RFX7: variants seen among roughly 807,000 people sequenced by gnomAD.
RFX7 encodes the protein regulatory factor X7, also known as DNA-binding protein RFX7.
Under a neutral mutation model 111.8 loss-of-function variants are expected in RFX7, and 26 were observed. The observed-to-expected ratio is 0.23, with a 90% confidence interval of 0.17 to 0.32. The LOEUF (loss-of-function observed/expected upper bound fraction) is 0.32. Among genes scored for constraint, RFX7 ranks in the 10% least tolerant of loss-of-function variants. The pLI is 1.00. For synonymous variants in RFX7, 624 were observed against 624.4 expected (o/e 1.00, Z 0.01); for missense variants, 1,573 against 1,772.9 (o/e 0.89, Z 2.02).
Position 56,094,927 on chromosome 15 carries a change from A to G in RFX7, c.2801T>C (p.Phe934Ser). ...GCCATTGCTGTGGATTGGATGATAG[A>G]AGTGGGTGCTGGAAGTGTGAGATGA... ...PMSSHTSSTH[F>S]YHPIHSNGTP... is the part of the protein sequence containing the mutation. The change falls in exon 10 of 10, where the codon TTC becomes TCC. Residue 934 changes from phenylalanine (F) to serine (S), a missense_variant. Phe to Ser is a radical substitution (Grantham distance 155). This residue lies in a region of RFX7 where 625 missense variants were observed against 632.2 expected (regional missense o/e 0.99). Transcript: ENST00000559447. 1 of 1,590,528 alleles carries G rather than the reference A, an allele frequency of 6.3e-7. No homozygotes were observed. Among genetic ancestry groups the G allele is most frequent in the South Asian group, 1.2e-5 (1 of 85,714 alleles).
chr15:56,108,411 A>C (rs1321963074), intron 5 of RFX7, among the ~76,000 whole-genome samples: 1 of 152,208 alleles, frequency 6.6e-6, no homozygotes, highest in Admixed American at 6.5e-5. Context: ...TAAATCAATA[A>C]ATGTCATCCA....
intron 5 of RFX7, among the ~76,000 whole-genome samples, chr15:56,142,399 C>A (rs560712829): frequency 6.6e-6 from 1 of 151,898 alleles, no homozygotes; most frequent in East Asian, 1.9e-4. Flanking sequence ...AGTAAAAAAT[C>A]ATGTTTTAGT....
Position 56,243,298 on chromosome 15 carries a change from G to T in RFX7, c.-2-11C>A. On this transcript the variant is annotated splice_polypyrimidine_tract_variant and intron_variant, in intron 1 of 9. Coordinates refer to ENST00000559447, the MANE Select transcript of RFX7 (RefSeq NM_022841.7). ...GTTCCTCTGCCATCGCTGCAGAGGG[G>T]TGGGAGGGAGGGAGGGAAAGATGGG... The T allele has an allele frequency of 8.8e-7, 1 of 1,134,140 alleles. No individual in the cohort carries two copies. Among genetic ancestry groups the T allele is most frequent in the Non-Finnish European group, 1.1e-6 (1 of 880,084 alleles). The allele number at this position is 1,134,140 out of a possible 1,614,324, so 70.3% of individuals were successfully genotyped here.
chr15:56,102,077 A>T, intron 7 of RFX7, 92 bp downstream of exon 7: 2 of 902,460 alleles, frequency 2.2e-6, no homozygotes, highest in Non-Finnish European at 3.4e-6. Flanking sequence ...CACAGTCGCT[A>T]GGCTTAACCA....
At chr15:56,101,599 A>G in intron 7 of RFX7, 33 bp from the exon 8 acceptor site, 2 of 1,541,434 alleles carry the variant, frequency 1.3e-6, no homozygotes, top group South Asian at 1.1e-5. Flanking sequence ...GTTAACTTGT[A>G]AAAGACCAGA....
chr15:56,203,959 G>A (rs1431172529), intron 2 of RFX7, among the ~76,000 whole-genome samples: 3 of 150,676 alleles, frequency 2.0e-5, no homozygotes, highest in Non-Finnish European at 4.4e-5. Flanking sequence ...ATTATTTCTT[G>A]CATTTAATCC....
intron 2 of RFX7, among the ~76,000 whole-genome samples, chr15:56,201,465 A>T (rs529178135): frequency 1.3e-5 from 2 of 152,252 alleles, no homozygotes; most frequent in Non-Finnish European, 2.9e-5. Context: ...CTATCTAAGG[A>T]GATCAAAAAA....
chr15:56,118,908 T>C (rs2042041857), intron 5 of RFX7, among the ~76,000 whole-genome samples: 1 of 151,508 alleles, frequency 6.6e-6, no homozygotes, highest in Admixed American at 6.5e-5. Context: ...TGAGACTATA[T>C]ATTGTTGTTT....
chr15:56,235,378 G>A (rs772592047), intron 2 of RFX7, among the ~76,000 whole-genome samples: 19 of 152,080 alleles, frequency 1.2e-4, no homozygotes, highest in Non-Finnish European at 2.8e-4. Context: ...GTTTCACCAT[G>A]TTAGCCAGGA....
Position 56,159,687 on chromosome 15 carries a change from A to C in RFX7, c.196-15204T>G, listed in dbSNP as rs928914429. The stretch of plus-strand genomic sequence containing the variant: ...CTGTCATAAAGAAATACCTGAAACA[A>C]TATTCTATATTGCAAATACTAATTT... On this transcript the variant is annotated intron_variant, in intron 3 of 9. Coordinates refer to ENST00000559447, the MANE Select transcript of RFX7 (RefSeq NM_022841.7). Among the ~76,000 whole-genome samples the C allele has an allele frequency of 2.6e-5, 4 of 152,154 alleles. No individual in the cohort carries two copies. In the East Asian group the frequency reaches 7.7e-4, roughly 29 times the overall value.
At chr15:56,144,575 G>A (rs1187760215) in intron 3 of RFX7, 92 bp from the exon 4 acceptor site, 10 of 474,712 alleles carry the variant, frequency 2.1e-5, no homozygotes, top group South Asian at 7.6e-5. Context: ...AAACGATAAT[G>A]ACTATTTAAA....
intron 2 of RFX7, among the ~76,000 whole-genome samples, chr15:56,205,137 G>C (rs2043237080): frequency 6.6e-6 from 1 of 152,150 alleles, no homozygotes; most frequent in South Asian, 2.1e-4. Context: ...CAAATCCCTG[G>C]TCTGAATTAA....
At chr15:56,108,575 C>A (rs1019726908) in intron 5 of RFX7, among the ~76,000 whole-genome samples, 3 of 152,092 alleles carry the variant, frequency 2.0e-5, no homozygotes, top group African/African-American at 7.2e-5. Flanking sequence ...TTATTTATGA[C>A]AAACACAGCC....
chr15:56,137,104 T>G (rs1458592650), intron 5 of RFX7, among the ~76,000 whole-genome samples: 1 of 152,230 alleles, frequency 6.6e-6, no homozygotes, highest in African/African-American at 2.4e-5. Flanking sequence ...TGTCAGGCTT[T>G]GGTATCAGAA....
rs1210690033 is a variant in RFX7, at chr15:56,094,545, C to T, written c.3183G>A (p.Lys1061=). 1.2e-6 allele frequency: 2 copies of T among 1,613,898 alleles called. No individual in the cohort carries two copies. Among genetic ancestry groups the T allele is most frequent in the Non-Finnish European group, 1.7e-6 (2 of 1,179,876 alleles). The change falls in exon 10 of 10, where the codon AAG becomes AAA. Residue 1061 remains lysine (K), a synonymous_variant. Coordinates refer to ENST00000559447, the MANE Select transcript of RFX7 (RefSeq NM_022841.7). ...TATACCCATTATTCATCCATTCAAG[C>T]TTGGTTTTGTCAGGGTGTGTGGCCA... The part of the protein sequence containing the change: ...RPMATHPDKT[K]LEWMNNGYSG...
chr15:56,241,747 A>C (rs895564800), intron 2 of RFX7, among the ~76,000 whole-genome samples: 1 of 152,140 alleles, frequency 6.6e-6, no homozygotes, highest in African/African-American at 2.4e-5. Context: ...CACCCCAATC[A>C]TATCTATCAG....
chr15:56,111,471 C>A (rs1444390029), intron 5 of RFX7, among the ~76,000 whole-genome samples: 252 of 150,968 alleles, frequency 1.7e-3, no homozygotes, highest in Non-Finnish European at 2.9e-3. Context: ...AGAGTCATCA[C>A]CACTCCCTAA....
Position 56,207,487 on chromosome 15 carries a change from C to T in RFX7, c.162-28184G>A, listed in dbSNP as rs77975584. On this transcript the variant is annotated intron_variant, in intron 2 of 9. Coordinates refer to ENST00000559447, the MANE Select transcript of RFX7 (RefSeq NM_022841.7). ...AAATTTTTAAAAAATTAACATCAAG[C>T]TAAGCCTCATACCTTACAGAAAAAT... Among the ~76,000 whole-genome samples the T allele has an allele frequency of 3.2e-3, 488 of 152,244 alleles. 2 individuals carry two copies. Among genetic ancestry groups the T allele is most frequent in the African/African-American group, 0.011 (471 of 41,534 alleles).
intron 5 of RFX7, among the ~76,000 whole-genome samples, chr15:56,125,923 AT>A (rs1435499297): frequency 6.6e-6 from 1 of 152,116 alleles, no homozygotes; most frequent in East Asian, 1.9e-4. Context: ...TTGGGGCTTT[AT>A]TCTGTAGCAG....
Sources: allele counts gnomAD v4.1 joint callset (sites outside exome capture counted in the v4.1 genomes callset), GRCh38; gene constraint gnomAD v4.1.1; regional missense constraint gnomAD v4.1.1; transcripts MANE v1.5; gene names NCBI Gene and HGNC (gene_info 2026-07-23, HGNC 2026-07-21).